SACM1L: variants seen among roughly 807,000 people sequenced by gnomAD.
The protein encoded by SACM1L is phosphatidylinositol-3-phosphatase SAC1.
In SACM1L, 32 loss-of-function variants were observed where a neutral mutation model predicts 89.5. That is an observed-to-expected ratio of 0.36 (90% CI 0.27 to 0.48). The LOEUF (loss-of-function observed/expected upper bound fraction) is 0.48. SACM1L is among the 20% of genes least tolerant of loss of function. The pLI, the probability that SACM1L is intolerant of heterozygous loss-of-function variation, is 0.99. For synonymous variants in SACM1L, 213 were observed against 232.8 expected (o/e 0.92, Z 0.77); for missense variants, 543 against 708.5 (o/e 0.77, Z 2.65).
intron 9 of SACM1L, 40 bp from the exon 10 acceptor site, chr3:45,722,829 A>G (rs1698817973): frequency 6.9e-7 from 1 of 1,440,242 alleles, no homozygotes. Flanking sequence ...AAAAACAAGT[A>G]TGTTTGTGTT....
intron 1 of SACM1L, among the ~76,000 whole-genome samples, chr3:45,703,201 A>AT (rs3215238): frequency 6.6e-6 from 1 of 151,840 alleles, no homozygotes; most frequent in African/African-American, 2.4e-5. Flanking sequence ...TGATTATGGC[A>AT]TTTTTTTGTA....
At chr3:45,702,551 A>G (rs1332731165) in intron 1 of SACM1L, among the ~76,000 whole-genome samples, 1 of 152,194 alleles carries the variant, frequency 6.6e-6, no homozygotes, top group Non-Finnish European at 1.5e-5. Flanking sequence ...GCCTACCTTA[A>G]AACAGCAGTC....
rs755434397 is a variant in SACM1L at position 45,689,511 on chromosome 3, G to C, written c.32+14G>C. ...GCAGCTGAAGCTGTGAGTCCCACGGGCCAGAGGCCTGAGGCGCGGCGGGCG... is the reference window on the plus strand; with the variant it reads ...GCAGCTGAAGCTGTGAGTCCCACGGCCCAGAGGCCTGAGGCGCGGCGGGCG... On this transcript the variant is annotated intron_variant, in intron 1 of 19. Coordinates refer to ENST00000389061, the MANE Select transcript of SACM1L (RefSeq NM_014016.5). 5.1e-6 allele frequency: 8 copies of C among 1,573,468 alleles called. No homozygotes were observed. Among genetic ancestry groups the C allele is most frequent in the Non-Finnish European group, 6.9e-6 (8 of 1,160,302 alleles).
chr3:45,724,893 A>G (rs1698882404), intron 11 of SACM1L, among the ~76,000 whole-genome samples: 1 of 152,098 alleles, frequency 6.6e-6, no homozygotes, highest in Non-Finnish European at 1.5e-5. Flanking sequence ...GTCCAACTTC[A>G]TTCTTTTGCA....
chr3:45,721,942 T>G (rs1430438807), intron 8 of SACM1L, 58 bp from the exon 9 acceptor site: 1 of 1,152,598 alleles, frequency 8.7e-7, no homozygotes, highest in Non-Finnish European at 1.3e-6. Flanking sequence ...TTAGTGGGTT[T>G]CTGATGTGTT....
At chr3:45,738,499 C>T (rs1455232229) in intron 16 of SACM1L, 79 bp from the exon 17 acceptor site, 1 of 812,370 alleles carries the variant, frequency 1.2e-6, no homozygotes, top group Non-Finnish European at 2.1e-6. Flanking sequence ...TATTTCTATA[C>T]CTTATGCTTA....
At position 45,737,772 on chromosome 3, in the gene SACM1L, C is replaced by T; in HGVS notation, c.1310C>T (p.Ala437Val). Residue 437 changes from alanine to valine, a missense_variant and splice_region_variant, in exon 16 of 20, where the codon GCC (alanine) becomes GTC (valine). Coordinates refer to ENST00000389061, the MANE Select transcript of SACM1L (RefSeq NM_014016.5). ...CAGCTGTTTTTACTTTTTTCTACAG[C>T]CTGGGCTGACAACGCAAATGCTTGT... ...QDEFEKIYKNAWADNANACAK... is the reference protein window; with the variant it reads ...QDEFEKIYKNVWADNANACAK... 1 of 1,613,660 alleles carries T rather than the reference C, an allele frequency of 6.2e-7. No homozygotes were observed. The highest frequency in any genetic ancestry group is 8.5e-7 in the Non-Finnish European group (1 of 1,179,738).
chr3:45,740,780 G>A (rs1377929522), intron 19 of SACM1L, among the ~76,000 whole-genome samples: 4 of 152,016 alleles, frequency 2.6e-5, no homozygotes. Context: ...TCACTGAGCA[G>A]TATGTTTTCC....
chr3:45,727,202 T>G (rs1378376784), intron 11 of SACM1L, among the ~76,000 whole-genome samples: 1 of 152,108 alleles, frequency 6.6e-6, no homozygotes, highest in Non-Finnish European at 1.5e-5. Context: ...TTCATACATT[T>G]GGTATATTGT....
In SACM1L at chr3:45,713,185, G is replaced by A. The variant is rs2125691977; in HGVS notation, c.532G>A (p.Ala178Thr). 1 of 1,611,908 alleles carries A rather than the reference G, an allele frequency of 6.2e-7. No individual in the cohort carries two copies. The highest frequency in any genetic ancestry group is 2.2e-5 in the East Asian group (1 of 44,826). The change falls in exon 6 of 20, where the codon GCA becomes ACA. Residue 178 changes from alanine to threonine, a missense_variant. Around this residue, in one of 2 missense-constraint regions of SACM1L, gnomAD observed 370 missense variants for 527.6 expected, o/e 0.70. Coordinates refer to ENST00000389061, the MANE Select transcript of SACM1L (RefSeq NM_014016.5). Reference sequence around the variant, plus strand: ...TGGTCATCTTCTAAGAGAACTTTCTGCACAGCCAGAGGTAATGTACACGAA... The same window carrying A: ...TGGTCATCTTCTAAGAGAACTTTCTACACAGCCAGAGGTAATGTACACGAA... ...WNGHLLRELS[A>T]QPEVHRFALP...
intron 11 of SACM1L, among the ~76,000 whole-genome samples, chr3:45,726,352 CT>C (rs1017690628): frequency 2.5e-4 from 36 of 145,144 alleles, no homozygotes; most frequent in East Asian, 6.0e-4. Context: ...TGTTAGGAGA[CT>C]TTTTTTTTTT....
At chr3:45,735,695 T>TTAGG (rs1426179985) in intron 14 of SACM1L, among the ~76,000 whole-genome samples, 2 of 152,186 alleles carry the variant, frequency 1.3e-5, no homozygotes, top group Non-Finnish European at 2.9e-5. Context: ...TCTGTATATG[T>TTAGG]TATTATTAAC....
In SACM1L at chr3:45,706,702, TTAAACAATAAGGA is replaced by T; in HGVS notation, c.206-77_206-65del. The T allele has an allele frequency of 3.9e-6, 5 of 1,271,008 alleles. No homozygotes were observed. The South Asian group carries it at 7.4e-5, about 19-fold the overall frequency. 78.7% of individuals were successfully genotyped at this position (1,271,008 alleles called of 1,614,324 possible). Reference sequence around the variant, plus strand: ...AGTCTCATTCTACTAGCCTTTAAAGTTAAACAATAAGGACTCCTATTTCTACCTTTAGAGTTAC... The same window carrying T: ...AGTCTCATTCTACTAGCCTTTAAAGTCTCCTATTTCTACCTTTAGAGTTAC... On this transcript the variant is annotated intron_variant, in intron 3 of 19. Coordinates refer to ENST00000389061, the MANE Select transcript of SACM1L (RefSeq NM_014016.5).
rs746600665 is a variant in SACM1L at position 45,709,500 on chromosome 3, A to G, written c.336A>G (p.Leu112=). The G allele has an allele frequency of 1.0e-5, 16 of 1,604,176 alleles. No individual in the cohort carries two copies. The highest frequency in any genetic ancestry group is 1.4e-5 in the Non-Finnish European group (16 of 1,176,336). The change falls in exon 5 of 20, where the codon TTA becomes TTG. Residue 112 remains leucine (L), a splice_region_variant and synonymous_variant. Transcript: ENST00000389061. ...TACTGATTTTTCTTTGTTTATAGTT[A>G]CAAGATAATAAAACCTTCCTAGCGA... ...KTMLHLTDIQ[L]QDNKTFLAML...
In SACM1L at chr3:45,713,131, T is replaced by C. The variant is rs1698565379; in HGVS notation, c.484-6T>C. The C allele has an allele frequency of 1.9e-6, 3 of 1,610,672 alleles. No individual in the cohort carries two copies. The highest frequency in any genetic ancestry group is 4.5e-5 in the East Asian group (2 of 44,812). On this transcript the variant is annotated splice_region_variant and splice_polypyrimidine_tract_variant and intron_variant, in intron 5 of 19. Coordinates refer to ENST00000389061, the MANE Select transcript of SACM1L (RefSeq NM_014016.5). ...ATATTTTATTAAATTTTAAAACTTC[T>C]CTCAGGCAGATCAGCGGTTTGTATG...
At chr3:45,739,827 T>C (rs976664316) in intron 19 of SACM1L, 183 bp downstream of exon 19, 4 of 631,358 alleles carry the variant, frequency 6.3e-6, no homozygotes, top group Admixed American at 2.9e-5. Flanking sequence ...AGTAGTTTGA[T>C]GGTTGTCGTT....
intron 1 of SACM1L, among the ~76,000 whole-genome samples, chr3:45,699,938 G>A (rs1443333131): frequency 6.6e-6 from 1 of 152,168 alleles, no homozygotes; most frequent in Admixed American, 6.5e-5. Context: ...TGACTGAAAT[G>A]TACCTATTAA....
Position 45,722,944 on chromosome 3 carries a change from G to C in SACM1L, c.841G>C (p.Val281Leu). 1 of 1,613,050 alleles carries C rather than the reference G, an allele frequency of 6.2e-7. No individual in the cohort carries two copies. Among genetic ancestry groups the C allele is most frequent in the Non-Finnish European group, 8.5e-7 (1 of 1,179,266 alleles). ...KYKPLPQISK[V>L]ANHMDGFQRH... ...CAAACCACTGCCACAGATCAGCAAA[G>C]TAGCAAATCACGTGTGTATCTTGCA... The change falls in exon 10 of 20, where the codon GTA becomes CTA. Residue 281 changes from valine to leucine, a missense_variant. By Grantham distance (32) the Val-to-Leu change is conservative. Around this residue, in one of 2 missense-constraint regions of SACM1L, gnomAD observed 370 missense variants for 527.6 expected, o/e 0.70. Transcript: ENST00000389061.
At chr3:45,709,798 C>T (rs1698479792) in intron 5 of SACM1L, 151 bp downstream of exon 5, 1 of 662,134 alleles carries the variant, frequency 1.5e-6, no homozygotes, top group Non-Finnish European at 2.5e-6. Context: ...TTTAAATATA[C>T]ATCACAATCC....
Sources: allele counts gnomAD v4.1 joint callset (sites outside exome capture counted in the v4.1 genomes callset), GRCh38; gene constraint gnomAD v4.1.1; regional missense constraint gnomAD v4.1.1; transcripts MANE v1.5; gene names NCBI Gene and HGNC (gene_info 2026-07-23, HGNC 2026-07-21).